LIN54: variants seen among roughly 807,000 people sequenced by gnomAD.
The protein encoded by LIN54 is lin-54 DREAM MuvB core complex component, also known as protein lin-54 homolog.
In LIN54, 9 loss-of-function variants were observed where a neutral mutation model predicts 78.7. The observed-to-expected ratio is 0.11, with a 90% CI of 0.07 to 0.20. The LOEUF (loss-of-function observed/expected upper bound fraction) is 0.20, where lower values mean the gene tolerates loss of function less well. Among genes scored for constraint, LIN54 ranks in the 10% least tolerant of loss-of-function variants. The pLI, the probability that LIN54 is intolerant of heterozygous loss-of-function variation, is 1.00. For missense variants in LIN54, 573 were observed against 889.9 expected, an observed-to-expected ratio of 0.64 and a Z score of 4.53; for synonymous variants, 269 against 318.4, an observed-to-expected ratio of 0.84 and a Z score of 1.65.
At chr4:83,004,378 G>C (rs1475899513) in intron 1 of LIN54, among the ~76,000 whole-genome samples, 1 of 121,764 alleles carries the variant, frequency 8.2e-6, no homozygotes, top group East Asian at 2.6e-4. Flanking sequence ...CAGCCTGGGT[G>C]ACAGAGTGAG....
At chr4:82,947,254 A>G in intron 4 of LIN54, among the ~76,000 whole-genome samples, 1 of 4,858 alleles carries the variant, frequency 2.1e-4, no homozygotes, top group East Asian at 8.8e-3. Flanking sequence ...TTTTTTGAAG[A>G]CAGGGTCTCA....
chr4:82,970,561 A>G, intron 3 of LIN54, 92 bp from the exon 4 acceptor site: 2 of 1,159,040 alleles, frequency 1.7e-6, no homozygotes, highest in Non-Finnish European at 2.4e-6. Flanking sequence ...AGGACTGCAG[A>G]ATGTATGTTT....
intron 1 of LIN54, among the ~76,000 whole-genome samples, chr4:82,994,262 A>AC (rs1296255173): frequency 6.6e-6 from 1 of 152,110 alleles, no homozygotes; most frequent in Non-Finnish European, 1.5e-5. Flanking sequence ...CTATGCTATT[A>AC]TTATTGATTA....
At chr4:82,970,180 T>C in intron 4 of LIN54, 147 bp downstream of exon 4, 2 of 710,422 alleles carry the variant, frequency 2.8e-6, no homozygotes, top group Non-Finnish European at 4.6e-6. Flanking sequence ...CTGTCAGACA[T>C]CCTTGATTAC....
In LIN54 at chr4:82,972,361, T is replaced by C. The variant is rs144490819; in HGVS notation, c.809-1892A>G. 4.8e-4 allele frequency among the ~76,000 whole-genome samples: 73 copies of C among 152,360 alleles called. No homozygotes were observed. In the East Asian group the frequency reaches 0.013, roughly 26 times the overall value. ...TTCAATACAATTTTCAAAATTTCTT[T>C]GTAGTACATAGATTAATTTTAATGA... On this transcript the variant is annotated intron_variant, in intron 3 of 12. Transcript: ENST00000340417.
At chr4:83,010,055 G>A (rs1277364863) in intron 1 of LIN54, among the ~76,000 whole-genome samples, 2 of 152,054 alleles carry the variant, frequency 1.3e-5, no homozygotes, top group African/African-American at 4.8e-5. Context: ...TACAAAACTG[G>A]TCCCTATTCT....
chr4:82,972,728 A>G lies in LIN54; in HGVS notation c.809-2259T>C, dbSNP rs112404374. ...CTGGACACAGTGGCTCACGCCTGTAATCCCAGCACTTTGGGAGGCCGAGGC... is the reference window on the plus strand; with the variant it reads ...CTGGACACAGTGGCTCACGCCTGTAGTCCCAGCACTTTGGGAGGCCGAGGC... On this transcript the variant is annotated intron_variant, in intron 3 of 12. Coordinates refer to ENST00000340417, the MANE Select transcript of LIN54 (RefSeq NM_194282.4). Among the ~76,000 whole-genome samples the G allele has an allele frequency of 6.3e-3, 966 of 152,326 alleles. 16 individuals are homozygous for G. Among genetic ancestry groups the G allele is most frequent in the South Asian group, 5.4e-3 (26 of 4,822 alleles).
chr4:83,002,264 A>G (rs949404675), intron 1 of LIN54, among the ~76,000 whole-genome samples: 1 of 151,854 alleles, frequency 6.6e-6, no homozygotes, highest in Non-Finnish European at 1.5e-5. Context: ...AATCAAGCAT[A>G]GTGGTGCATG....
intron 1 of LIN54, among the ~76,000 whole-genome samples, chr4:82,988,926 T>A (rs558356915): frequency 6.6e-6 from 1 of 152,136 alleles, no homozygotes; most frequent in African/African-American, 2.4e-5. Context: ...CGGTGTCTTA[T>A]GCCTGTAATC....
At chr4:82,996,545 A>C (rs1728234370) in intron 1 of LIN54, among the ~76,000 whole-genome samples, 2 of 151,978 alleles carry the variant, frequency 1.3e-5, no homozygotes, top group Non-Finnish European at 2.9e-5. Context: ...ATCTGGGACT[A>C]CGAGCATGTG....
In LIN54 at chr4:82,995,322, ATTTAAT is replaced by A. The variant is rs200874729; in HGVS notation, c.-32-10452_-32-10447del. On this transcript the variant is annotated intron_variant, in intron 1 of 12. Coordinates refer to ENST00000340417, the MANE Select transcript of LIN54 (RefSeq NM_194282.4). Reference sequence around the variant, plus strand: ...CTCTGGGGGGAAAAAAATTAATTTAATTTAATTTTAATTTATTTTTAATTTAAATTT... The same window carrying A: ...CTCTGGGGGGAAAAAAATTAATTTAATTTAATTTATTTTTAATTTAAATTT... Among the ~76,000 whole-genome samples, 709 of 151,508 alleles carry A rather than the reference ATTTAAT, an allele frequency of 4.7e-3. 11 individuals carry two copies. Among genetic ancestry groups the A allele is most frequent in the African/African-American group, 0.016 (665 of 41,404 alleles).
intron 1 of LIN54, among the ~76,000 whole-genome samples, chr4:83,002,341 C>G: frequency 1.3e-5 from 2 of 148,574 alleles, no homozygotes; most frequent in East Asian, 2.0e-4. Context: ...GAGTTCAAGA[C>G]CAGCAACATA....
intron 12 of LIN54, among the ~76,000 whole-genome samples, chr4:82,929,340 T>G (rs1210300049): frequency 6.6e-6 from 1 of 152,170 alleles, no homozygotes; most frequent in African/African-American, 2.4e-5. Context: ...AAATTAATTA[T>G]AAATATTTTA....
rs1293175205 is a variant in LIN54 at position 82,992,780 on chromosome 4, G to A, written c.-32-7904C>T. Among the ~76,000 whole-genome samples, 10 of 152,206 alleles carry A rather than the reference G, an allele frequency of 6.6e-5. No individual in the cohort carries two copies. In the South Asian group the frequency reaches 1.0e-3, roughly 16 times the overall value. On this transcript the variant is annotated intron_variant, in intron 1 of 12. Coordinates refer to ENST00000340417, the MANE Select transcript of LIN54 (RefSeq NM_194282.4). The stretch of plus-strand genomic sequence containing the variant: ...GTGGTGGCTCACGCCTGTAATCCCA[G>A]CACTTTGGGAGGCCAAGGTGGGTGG...
In LIN54 at chr4:82,928,147, G is replaced by A. The variant is rs767550917; in HGVS notation, c.2205C>T (p.Asn735=). The A allele has an allele frequency of 1.9e-5, 30 of 1,614,112 alleles. No individual in the cohort carries two copies. In the South Asian group the frequency reaches 3.1e-4, roughly 17 times the overall value. ...EFGRCLMSVI[N]SAGKAKSDPC... is the part of the protein sequence containing the mutation. ...GGTCACTTTTTGCCTTTCCTGCAGA[G>A]TTGATGACACTCATCAAACATCGTC... The change falls in exon 13 of 13, where the codon AAC becomes AAT. Residue 735 remains asparagine, a synonymous_variant. Coordinates refer to ENST00000340417, the MANE Select transcript of LIN54 (RefSeq NM_194282.4).
Position 82,938,433 on chromosome 4 carries a change from C to T in LIN54, c.1512G>A (p.Gln504=), listed in dbSNP as rs1315122389. ...TFTGTSGIQT[Q]ARLPFNGIIP... Reference sequence around the variant, plus strand: ...CTCACCCATTGAATGGAAGCCGTGCCTGGGTCTGGATACCAGATGTTCCAG... The same window carrying T: ...CTCACCCATTGAATGGAAGCCGTGCTTGGGTCTGGATACCAGATGTTCCAG... The change falls in exon 8 of 13, where the codon CAG becomes CAA. Residue 504 remains glutamine, a synonymous_variant. Transcript: ENST00000340417. 1 of 1,608,408 alleles carries T rather than the reference C, an allele frequency of 6.2e-7. No homozygotes were observed. Among genetic ancestry groups the T allele is most frequent in the Non-Finnish European group, 8.5e-7 (1 of 1,174,912 alleles).
chr4:82,955,875 A>G (rs922358797), intron 4 of LIN54, among the ~76,000 whole-genome samples: 1 of 152,228 alleles, frequency 6.6e-6, no homozygotes, highest in Non-Finnish European at 1.5e-5. Flanking sequence ...AAAAAATGAG[A>G]AGCAGGGTGA....
chr4:82,947,235 A>ATATTTTTTTTTTTTTTTTTTTT, intron 4 of LIN54, among the ~76,000 whole-genome samples: 1 of 44,292 alleles, frequency 2.3e-5, no homozygotes, highest in African/African-American at 1.0e-4. Flanking sequence ...ATATATATAT[A>ATATTTTTTTTTTTTTTTTTTTT]TTTTTTTTTT....
At chr4:82,947,235 A>ATATATATATATTTTT in intron 4 of LIN54, among the ~76,000 whole-genome samples, 3 of 44,290 alleles carry the variant, frequency 6.8e-5, no homozygotes, top group African/African-American at 1.0e-4. Context: ...ATATATATAT[A>ATATATATATATTTTT]TTTTTTTTTT....
Sources: allele counts gnomAD v4.1 joint callset (sites outside exome capture counted in the v4.1 genomes callset), GRCh38; gene constraint gnomAD v4.1.1; transcripts MANE v1.5; gene names NCBI Gene and HGNC (gene_info 2026-07-23, HGNC 2026-07-21).